The following CEP63 variants were observed in gnomAD, a reference collection of about 807,000 sequenced individuals.
CEP63 encodes the protein centrosomal protein 63.
A neutral mutation model predicts 89.1 loss-of-function variants in CEP63; 84 were observed. That is an observed-to-expected ratio of 0.94 (90% CI 0.79 to 1.13). The LOEUF (loss-of-function observed/expected upper bound fraction) is 1.13, where lower values mean the gene tolerates loss of function less well. Among genes scored for constraint, CEP63 ranks in the 50% most tolerant of loss-of-function variants. The pLI is 0.00. For missense variants in CEP63, 838 were observed against 813.3 expected, an observed-to-expected ratio of 1.03 and a Z score of -0.37; for synonymous variants, 267 against 272.5, an observed-to-expected ratio of 0.98 and a Z score of 0.20.
chr3:134,565,525 G>A (rs1311553820), downstream of CEP63, among the ~76,000 whole-genome samples: 1 of 152,136 alleles, frequency 6.6e-6, no homozygotes, highest in Non-Finnish European at 1.5e-5. Context: ...GTCATGAACA[G>A]CACTGAAATG....
chr3:134,741,096 G>A, the CEP63 span, among the ~76,000 whole-genome samples: 5 of 152,092 alleles, frequency 3.3e-5, no homozygotes, highest in Non-Finnish European at 5.9e-5. Context: ...CATTCAAAAC[G>A]CTCTCAACAG....
chr3:134,582,457 G>T (rs950809263), intron 10 of CEP63, among the ~76,000 whole-genome samples: 1 of 151,816 alleles, frequency 6.6e-6, no homozygotes, highest in Non-Finnish European at 1.5e-5. Flanking sequence ...GTGATAGTTT[G>T]CTGAGAATGA....
chr3:134,536,973 A>G (rs1010316985), intron 5 of CEP63, 182 bp from the exon 6 acceptor site: 2 of 622,078 alleles, frequency 3.2e-6, no homozygotes, highest in African/African-American at 1.8e-5. Flanking sequence ...GAGGCACAGT[A>G]TGTGAGGAAG....
chr3:134,523,454 A>G (rs1279726979), intron 3 of CEP63, among the ~76,000 whole-genome samples: 1 of 152,012 alleles, frequency 6.6e-6, no homozygotes, highest in Non-Finnish European at 1.5e-5. Flanking sequence ...TTGTCGTGAA[A>G]TCTTTGTCTG....
At chr3:134,531,310 C>T (rs1029317478) in intron 3 of CEP63, among the ~76,000 whole-genome samples, 6 of 152,062 alleles carry the variant, frequency 3.9e-5, no homozygotes, top group African/African-American at 7.2e-5. Flanking sequence ...TTCGGCCGGG[C>T]GCGATGGCTC....
chr3:134,506,968 C>A, intron 2 of CEP63, 141 bp from the exon 3 acceptor site: 7 of 323,106 alleles, frequency 2.2e-5, no homozygotes, highest in Non-Finnish European at 1.8e-5. Context: ...TTCTTTGCTT[C>A]TGGTAATTTA....
the CEP63 span, among the ~76,000 whole-genome samples, chr3:134,733,768 C>T: frequency 1.3e-5 from 2 of 152,278 alleles, no homozygotes; most frequent in South Asian, 4.1e-4. Context: ...GGGATCCTGG[C>T]CTTGCCAAGA....
At chr3:134,691,426 G>A in the CEP63 span, among the ~76,000 whole-genome samples, 2 of 151,492 alleles carry the variant, frequency 1.3e-5, no homozygotes, top group Non-Finnish European at 2.9e-5. Context: ...ACCAGCCTGG[G>A]TAACATGACA....
the CEP63 span, chr3:134,604,490 C>G: frequency 6.3e-7 from 1 of 1,589,396 alleles, no homozygotes; most frequent in Non-Finnish European, 8.6e-7. Context: ...GAGAGAAAGT[C>G]AGGGTCAGCA....
At chr3:134,737,206 A>C in the CEP63 span, among the ~76,000 whole-genome samples, 3 of 152,224 alleles carry the variant, frequency 2.0e-5, no homozygotes, top group Non-Finnish European at 1.5e-5. Flanking sequence ...TTTTAGAAGG[A>C]GATATAGAGA....
At chr3:134,687,811 C>G in the CEP63 span, among the ~76,000 whole-genome samples, 1 of 152,142 alleles carries the variant, frequency 6.6e-6, no homozygotes, top group Non-Finnish European at 1.5e-5. Context: ...GGGCACTGCC[C>G]CCAGGATGGG....
chr3:134,652,988 G>A, the CEP63 span, among the ~76,000 whole-genome samples: 2 of 152,192 alleles, frequency 1.3e-5, no homozygotes, highest in African/African-American at 4.8e-5. Flanking sequence ...CTGCTGGAAA[G>A]TGTCATTGCT....
intron 14 of CEP63, among the ~76,000 whole-genome samples, chr3:134,560,016 C>T (rs1390254363): frequency 6.6e-6 from 1 of 152,166 alleles, no homozygotes; most frequent in East Asian, 1.9e-4. Context: ...CCAGCTGTGG[C>T]CATATAGATG....
chr3:134,725,456 G>A, the CEP63 span, among the ~76,000 whole-genome samples: 5 of 152,078 alleles, frequency 3.3e-5, no homozygotes, highest in Non-Finnish European at 7.4e-5. Context: ...GCTCCCCACC[G>A]AAGGGGCAGG....
chr3:134,605,566 C>T, the CEP63 span, among the ~76,000 whole-genome samples: 2 of 152,290 alleles, frequency 1.3e-5, no homozygotes, highest in South Asian at 2.1e-4. Context: ...GGGGAGGCTG[C>T]TTAGACAGCC....
chr3:134,624,798 G>A, the CEP63 span, among the ~76,000 whole-genome samples: 117 of 152,304 alleles, frequency 7.7e-4, no homozygotes, highest in African/African-American at 2.6e-3. Flanking sequence ...CCAATGAAGA[G>A]CTCCAGGGTG....
chr3:134,540,938 C>T lies in CEP63; in HGVS notation c.555+3670C>T, dbSNP rs144532002. On this transcript the variant is annotated intron_variant, in intron 6 of 14. Transcript: ENST00000675561. The stretch of plus-strand genomic sequence containing the variant: ...CTGGGATTACAGGTGCTCACCACCA[C>T]GCTCAGCTAATTTTTGTATTTTCAG... 3.4e-3 allele frequency among the ~76,000 whole-genome samples: 517 copies of T among 152,006 alleles called. 7 individuals carry two copies. The highest frequency in any genetic ancestry group is 0.012 in the African/African-American group (498 of 41,488).
chr3:134,692,736 C>T, the CEP63 span, among the ~76,000 whole-genome samples: 7 of 152,202 alleles, frequency 4.6e-5, no homozygotes, highest in Admixed American at 2.0e-4. Context: ...TTCACACAGA[C>T]GTGTGCACAT....
At chr3:134,627,295 T>G in the CEP63 span, among the ~76,000 whole-genome samples, 87 of 152,238 alleles carry the variant, frequency 5.7e-4, 2 homozygotes, top group African/African-American at 2.0e-3. Flanking sequence ...TTAGATGACA[T>G]CTGGTCTACT....
Sources: gnomAD v4.1 joint callset for allele counts (sites outside exome capture counted in the v4.1 genomes callset) on GRCh38, gnomAD v4.1.1 for gene constraint, MANE v1.5 for transcripts, NCBI Gene and HGNC (gene_info 2026-07-23, HGNC 2026-07-21) for gene names.